Variants in MAPK4 observed in about 807,000 individuals in gnomAD.
MAPK4 encodes the protein mitogen-activated protein kinase 4.
MAPK4 carries 22 observed loss-of-function variants against 47.7 expected under a neutral mutation model. That is an observed-to-expected ratio of 0.46 (90% CI 0.33 to 0.66). MAPK4 has a LOEUF of 0.66. Ranked by LOEUF, MAPK4 falls within the 30% of genes least tolerant of loss-of-function variation. The pLI is 0.02. For synonymous variants in MAPK4, 390 were observed against 365.7 expected, an observed-to-expected ratio of 1.07 and a Z score of -0.76; for missense variants, 736 against 831.7, an observed-to-expected ratio of 0.88 and a Z score of 1.42.
At chr18:50,621,326 T>C (rs1317221223) in intron 1 of MAPK4, among the ~76,000 whole-genome samples, 1 of 152,082 alleles carries the variant, frequency 6.6e-6, no homozygotes, top group African/African-American at 2.4e-5. Flanking sequence ...AGGACAAAAA[T>C]AACAACTGTT....
chr18:50,601,736 G>A (rs1344669388), intron 1 of MAPK4, among the ~76,000 whole-genome samples: 1 of 152,160 alleles, frequency 6.6e-6, no homozygotes, highest in African/African-American at 2.4e-5. Context: ...TTGAGACTCT[G>A]TGTGTGATGT....
intron 2 of MAPK4, among the ~76,000 whole-genome samples, chr18:50,677,035 C>T (rs1456712681): frequency 5.9e-5 from 9 of 152,306 alleles, no homozygotes; most frequent in African/African-American, 2.2e-4. Flanking sequence ...CGCCTCCTGC[C>T]AGATCAGCAG....
At chr18:50,692,016 G>A (rs1264419138) in intron 2 of MAPK4, among the ~76,000 whole-genome samples, 1 of 152,100 alleles carries the variant, frequency 6.6e-6, no homozygotes, top group African/African-American at 2.4e-5. Context: ...GGGAGCTGGT[G>A]CCAGCCTTTA....
chr18:50,658,742 G>A (rs2043138075), intron 1 of MAPK4, among the ~76,000 whole-genome samples: 1 of 152,200 alleles, frequency 6.6e-6, no homozygotes, highest in African/African-American at 2.4e-5. Flanking sequence ...ATTTGCATAT[G>A]AGCTGAACCA....
At position 50,729,281 on chromosome 18, in the gene MAPK4, G is replaced by A. The variant is rs754451496; in HGVS notation, c.1191G>A (p.Pro397=). Residue 397 remains proline, a synonymous_variant, in exon 6 of 6, where the codon CCG becomes CCA. Transcript: ENST00000400384. ...TGGCTGAGGACGTGCAGGTGGACCC[G>A]CGCAAGGACTCGCACAGCAGCTCCG... ...APLAEDVQVD[P]RKDSHSSSER... The A allele has an allele frequency of 6.2e-7, 1 of 1,609,286 alleles. No individual in the cohort carries two copies.
At position 50,729,871 on chromosome 18, in the gene MAPK4, C is replaced by T. The variant is rs750508951; in HGVS notation, c.*17C>T. On this transcript the variant is annotated 3_prime_UTR_variant, in exon 6 of 6. Coordinates refer to ENST00000400384, the MANE Select transcript of MAPK4 (RefSeq NM_002747.4). The stretch of plus-strand genomic sequence containing the variant: ...AGGTGGTGAGGGCGGAGGGGCCGCT[C>T]CAGGCCCCACAGAGCAGGAGACCCC... 4 of 1,578,168 alleles carry T rather than the reference C, an allele frequency of 2.5e-6. No homozygotes were observed. Among genetic ancestry groups the T allele is most frequent in the East Asian group, 2.3e-5 (1 of 43,702 alleles).
rs79890018 is a variant in MAPK4, at chr18:50,623,705, G to C, written c.-870-39384G>C. Among the ~76,000 whole-genome samples, 1,239 of 152,338 alleles carry C rather than the reference G, an allele frequency of 8.1e-3. 9 individuals are homozygous for C. The highest frequency in any genetic ancestry group is 0.029 in the African/African-American group (1,185 of 41,572). ...AATCAGCCAGAGGGAACTTGTAAAC[G>C]TGCAAATCAGACTACATCATTTCCC... On this transcript the variant is annotated intron_variant, in intron 1 of 5. Coordinates refer to ENST00000400384, the MANE Select transcript of MAPK4 (RefSeq NM_002747.4).
intron 2 of MAPK4, among the ~76,000 whole-genome samples, chr18:50,700,499 C>T (rs1026399261): frequency 6.6e-6 from 1 of 152,240 alleles, no homozygotes; most frequent in Non-Finnish European, 1.5e-5. Flanking sequence ...AATTCACTGG[C>T]AGCGCTGTGT....
At chr18:50,593,844 G>GAT (rs151107523) in intron 1 of MAPK4, among the ~76,000 whole-genome samples, 55 of 151,478 alleles carry the variant, frequency 3.6e-4, no homozygotes, top group South Asian at 6.3e-4. Context: ...GAATTAATAG[G>GAT]ATATATATAT....
chr18:50,702,133 G>T (rs551881978), intron 2 of MAPK4, among the ~76,000 whole-genome samples: 1 of 129,974 alleles, frequency 7.7e-6, no homozygotes, highest in South Asian at 2.6e-4. Context: ...CTGCACTCCA[G>T]CCTGGGTGAT....
At chr18:50,698,724 T>C (rs1231393346) in intron 2 of MAPK4, among the ~76,000 whole-genome samples, 6 of 152,158 alleles carry the variant, frequency 3.9e-5, no homozygotes, top group Non-Finnish European at 7.3e-5. Flanking sequence ...GAAAACAATA[T>C]TGACAAACAA....
At chr18:50,689,957 C>T (rs1482842907) in intron 2 of MAPK4, among the ~76,000 whole-genome samples, 3 of 152,122 alleles carry the variant, frequency 2.0e-5, no homozygotes, top group Non-Finnish European at 4.4e-5. Flanking sequence ...GAATTAATAC[C>T]GTGGGTCCTA....
At chr18:50,632,153 A>G (rs1259562486) in intron 1 of MAPK4, among the ~76,000 whole-genome samples, 2 of 152,020 alleles carry the variant, frequency 1.3e-5, no homozygotes, top group African/African-American at 4.8e-5. Flanking sequence ...CGTTGAGGGG[A>G]AAAGGTGGCA....
chr18:50,598,344 C>T (rs139693541), intron 1 of MAPK4, among the ~76,000 whole-genome samples: 10 of 151,344 alleles, frequency 6.6e-5, no homozygotes, highest in African/African-American at 2.5e-4. Flanking sequence ...ATTCACTAAC[C>T]AACACTACTG....
intron 2 of MAPK4, among the ~76,000 whole-genome samples, chr18:50,702,371 T>C (rs1367192008): frequency 6.6e-6 from 1 of 151,914 alleles, no homozygotes; most frequent in Non-Finnish European, 1.5e-5. Flanking sequence ...CTAGGCAACA[T>C]AGCAAGACCC....
chr18:50,594,577 T>C (rs955282632), intron 1 of MAPK4, among the ~76,000 whole-genome samples: 10 of 152,186 alleles, frequency 6.6e-5, no homozygotes, highest in Non-Finnish European at 1.0e-4. Context: ...CCTACCTAGC[T>C]CTGTACACAT....
At chr18:50,716,292 A>C (rs923294521) in intron 3 of MAPK4, among the ~76,000 whole-genome samples, 4 of 152,018 alleles carry the variant, frequency 2.6e-5, no homozygotes, top group Non-Finnish European at 5.9e-5. Flanking sequence ...ATTCTGTAGC[A>C]GTAGTCAGCG....
chr18:50,626,130 A>G (rs573860762), intron 1 of MAPK4, among the ~76,000 whole-genome samples: 5 of 152,278 alleles, frequency 3.3e-5, no homozygotes, highest in African/African-American at 9.6e-5. Flanking sequence ...TACTGACTGG[A>G]AGAAGACCAC....
chr18:50,650,989 C>T (rs2043042797), intron 1 of MAPK4, among the ~76,000 whole-genome samples: 1 of 152,182 alleles, frequency 6.6e-6, no homozygotes, highest in Non-Finnish European at 1.5e-5. Flanking sequence ...GGGCCTGCTC[C>T]AAAAACAGGA....
Sources: gnomAD v4.1 joint callset for allele counts (sites outside exome capture counted in the v4.1 genomes callset) on GRCh38, gnomAD v4.1.1 for gene constraint, MANE v1.5 for transcripts, NCBI Gene and HGNC (gene_info 2026-07-23, HGNC 2026-07-21) for gene names.